Variants in SEMA6A observed in about 807,000 individuals in gnomAD.
SEMA6A encodes semaphorin-6A.
SEMA6A carries 25 observed loss-of-function variants against 96.8 expected under a neutral mutation model. The observed-to-expected ratio is 0.26, with a 90% CI of 0.19 to 0.36. SEMA6A has a LOEUF of 0.36. Ranked by LOEUF, SEMA6A falls within the 10% of genes least tolerant of loss-of-function variation. The probability of loss-of-function intolerance (pLI) is 1.00; values close to 1 mark genes in which losing one functional copy is unlikely to be tolerated. For synonymous variants in SEMA6A, 612 were observed against 518.0 expected, an observed-to-expected ratio of 1.18 and a Z score of -2.46; for missense variants, 1,363 against 1,323.1, an observed-to-expected ratio of 1.03 and a Z score of -0.47.
rs183393773 is a variant in SEMA6A, at chr5:116,557,401, G to A, written c.-39+16784C>T. Among the ~76,000 whole-genome samples, 220 of 152,254 alleles carry A rather than the reference G, an allele frequency of 1.4e-3. 1 individual carries two copies. Among genetic ancestry groups the A allele is most frequent in the Middle Eastern group, 0.01 (3 of 294 alleles). On this transcript the variant is annotated intron_variant, in intron 1 of 18. Coordinates refer to ENST00000343348, the MANE Select transcript of SEMA6A (RefSeq NM_020796.5). ...TAATTTTTGTATTTTTAGTAGAGAC[G>A]GGGTTTTGCCATGTTGCCCAGGCTT...
intron 1 of SEMA6A, among the ~76,000 whole-genome samples, chr5:116,524,789 G>GACACACACACACACAGACACACACAC (rs1554090342): frequency 2.3e-5 from 3 of 130,658 alleles, no homozygotes; most frequent in Admixed American, 7.8e-5. Flanking sequence ...CACACACACA[G>GACACACACACACACAGACACACACAC]ACACACACAC....
In SEMA6A at chr5:116,541,836, A is replaced by G. The variant is rs757853746; in HGVS notation, c.-39+32349T>C. Among the ~76,000 whole-genome samples the G allele has an allele frequency of 3.2e-4, 48 of 151,888 alleles. No individual in the cohort carries two copies. In the Middle Eastern group the frequency reaches 0.01, roughly 33 times the overall value. The stretch of plus-strand genomic sequence containing the variant: ...CGACAGAATGGGACTCCATCTCAAA[A>G]CAAACAAACAAACAAACAAACAAAA... On this transcript the variant is annotated intron_variant, in intron 1 of 18. Coordinates refer to ENST00000343348, the MANE Select transcript of SEMA6A (RefSeq NM_020796.5).
intron 1 of SEMA6A, among the ~76,000 whole-genome samples, chr5:116,509,156 G>A (rs1156626573): frequency 6.6e-6 from 1 of 152,188 alleles, no homozygotes; most frequent in Non-Finnish European, 1.5e-5. Context: ...TGGTAGACAT[G>A]GCAGCATCTT....
intron 18 of SEMA6A, among the ~76,000 whole-genome samples, chr5:116,466,984 G>A (rs1755797121): frequency 1.3e-5 from 2 of 152,160 alleles, no homozygotes; most frequent in African/African-American, 2.4e-5. Flanking sequence ...TTCATTTAGT[G>A]TGGCTTCCTT....
At chr5:116,573,766 T>TCAA (rs1295243805) in intron 1 of SEMA6A, among the ~76,000 whole-genome samples, 4 of 151,566 alleles carry the variant, frequency 2.6e-5, no homozygotes, top group Non-Finnish European at 5.9e-5. Context: ...CAGAACCCCT[T>TCAA]CCCCTGCCTT....
At chr5:116,514,930 A>G (rs1490821549) in intron 1 of SEMA6A, among the ~76,000 whole-genome samples, 1 of 152,194 alleles carries the variant, frequency 6.6e-6, no homozygotes, top group African/African-American at 2.4e-5. Context: ...GAACACATAC[A>G]CAAATTAACA....
chr5:116,476,478 T>TA (rs1756454408), intron 15 of SEMA6A, among the ~76,000 whole-genome samples: 1 of 152,152 alleles, frequency 6.6e-6, no homozygotes, highest in South Asian at 2.1e-4. Flanking sequence ...TTTGCCACAT[T>TA]AAAAATCAAA....
chr5:116,454,083 A>ATGAT (rs1754829380), intron 18 of SEMA6A, among the ~76,000 whole-genome samples: 1 of 152,162 alleles, frequency 6.6e-6, no homozygotes, highest in African/African-American at 2.4e-5. Flanking sequence ...CTGCTGTGAT[A>ATGAT]TGATGGATGT....
intron 7 of SEMA6A, 61 bp from the exon 8 acceptor site, chr5:116,489,068 A>T (rs978441166): frequency 1.3e-6 from 2 of 1,486,262 alleles, no homozygotes; most frequent in East Asian, 2.5e-5. Context: ...GTGGAGGAAT[A>T]ATAAAGACAT....
intron 15 of SEMA6A, among the ~76,000 whole-genome samples, chr5:116,477,019 A>T (rs750750586): frequency 2.0e-5 from 3 of 152,220 alleles, no homozygotes; most frequent in Non-Finnish European, 2.9e-5. Context: ...GCTCACAGTG[A>T]TTTAAAGATG....
chr5:116,496,756 T>C (rs1757622062), intron 4 of SEMA6A, among the ~76,000 whole-genome samples: 1 of 152,228 alleles, frequency 6.6e-6, no homozygotes. Context: ...ACATTCACTC[T>C]AGGTGGACAA....
intron 6 of SEMA6A, 27 bp from the exon 7 acceptor site, chr5:116,491,857 C>T (rs150270399): frequency 2.6e-6 from 4 of 1,535,440 alleles, no homozygotes; most frequent in African/African-American, 2.7e-5. Flanking sequence ...GACTTAATTA[C>T]AAACAACAAC....
chr5:116,447,623 G>C lies in SEMA6A; in HGVS notation c.2083C>G (p.Arg695Gly), dbSNP rs1433880386. 1 of 1,613,988 alleles carries C rather than the reference G, an allele frequency of 6.2e-7. No individual in the cohort carries two copies. The change falls in exon 19 of 19, where the codon CGC becomes GGC. Residue 695 changes from arginine (R) to glycine (G), a missense_variant. This residue lies in a region of SEMA6A where 883 missense variants were observed against 763.6 expected (regional missense o/e 1.16). Transcript: ENST00000343348. Reference sequence around the variant, plus strand: ...GTGACGCTGCTCATGGAGCCCCGGCGCGAGTGGGTGAGCTCCTTCTCCTTG... The same window carrying C: ...GTGACGCTGCTCATGGAGCCCCGGCCCGAGTGGGTGAGCTCCTTCTCCTTG... ...QRKEKELTHS[R>G]RGSMSSVTKL...
chr5:116,570,571 C>G (rs1761172700), intron 1 of SEMA6A, among the ~76,000 whole-genome samples: 2 of 152,200 alleles, frequency 1.3e-5, no homozygotes, highest in Non-Finnish European at 2.9e-5. Context: ...ATGGCAGATG[C>G]TTAATTAAAG....
intron 5 of SEMA6A, 21 bp from the exon 6 acceptor site, chr5:116,495,535 T>C (rs1757550084): frequency 1.3e-6 from 2 of 1,505,808 alleles, no homozygotes; most frequent in Admixed American, 1.9e-5. Context: ...ATTCAAACTG[T>C]TTTGTATCAT....
intron 1 of SEMA6A, chr5:116,536,549 T>A (rs1759720365): frequency 6.6e-6 from 1 of 152,138 alleles, no homozygotes; most frequent in Non-Finnish European, 1.5e-5. Context: ...ATCCCCTAAG[T>A]GCCAGCATGT....
chr5:116,458,202 T>C (rs1370640633), intron 18 of SEMA6A, among the ~76,000 whole-genome samples: 1 of 152,218 alleles, frequency 6.6e-6, no homozygotes, highest in African/African-American at 2.4e-5. Flanking sequence ...TAATTGATTC[T>C]TCACAATTTT....
chr5:116,471,371 G>A (rs905862703), intron 17 of SEMA6A: 7 of 152,186 alleles, frequency 4.6e-5, no homozygotes, highest in African/African-American at 1.7e-4. Context: ...AATTACCTGG[G>A]AGTTAAAATT....
chr5:116,462,674 T>A (rs957711552), intron 18 of SEMA6A, among the ~76,000 whole-genome samples: 1 of 152,168 alleles, frequency 6.6e-6, no homozygotes, highest in Non-Finnish European at 1.5e-5. Context: ...GTGACGCATG[T>A]ATTCACTTGG....
Sources: gnomAD v4.1 joint callset for allele counts (sites outside exome capture counted in the v4.1 genomes callset) on GRCh38, gnomAD v4.1.1 for gene constraint, gnomAD v4.1.1 regional missense constraint, MANE v1.5 for transcripts, NCBI Gene and HGNC (gene_info 2026-07-23, HGNC 2026-07-21) for gene names.